The following LRRTM4 variants were observed in gnomAD, a reference collection of about 807,000 sequenced individuals.
LRRTM4 encodes leucine rich repeat transmembrane neuronal 4, also known as leucine-rich repeat transmembrane neuronal protein 4.
A neutral mutation model predicts 47.6 loss-of-function variants in LRRTM4; 25 were observed. The ratio of observed to expected loss-of-function variants is 0.53; its 90% CI spans 0.38 to 0.73. The LOEUF is 0.73. LRRTM4 is among the 30% of genes least tolerant of loss of function. LRRTM4 has a pLI of 0.00. For missense variants in LRRTM4, 638 were observed against 713.4 expected (o/e 0.89, Z 1.20); for synonymous variants, 311 against 269.5 (o/e 1.15, Z -1.51).
intron 3 of LRRTM4, among the ~76,000 whole-genome samples, chr2:77,067,353 A>G (rs1222519501): frequency 1.3e-5 from 2 of 152,148 alleles, no homozygotes; most frequent in Non-Finnish European, 2.9e-5. Context: ...ATTGCAAATT[A>G]GAGAAAAGTA....
chr2:77,465,973 TTC>T (rs1360879369), intron 3 of LRRTM4, among the ~76,000 whole-genome samples: 3 of 152,188 alleles, frequency 2.0e-5, no homozygotes, highest in African/African-American at 7.2e-5. Context: ...TCCTTTGCAC[TTC>T]TGTTTTGCTT....
At chr2:77,242,299 A>G (rs748268565) in intron 3 of LRRTM4, among the ~76,000 whole-genome samples, 2 of 152,206 alleles carry the variant, frequency 1.3e-5, no homozygotes, top group Non-Finnish European at 2.9e-5. Flanking sequence ...ACAGGTAATA[A>G]AAGCAAAAAT....
intron 3 of LRRTM4, among the ~76,000 whole-genome samples, chr2:77,366,810 C>A (rs1380912754): frequency 6.6e-6 from 1 of 151,818 alleles, no homozygotes; most frequent in Non-Finnish European, 1.5e-5. Context: ...ATTAATTAAT[C>A]TCTATCTTCA....
intron 3 of LRRTM4, among the ~76,000 whole-genome samples, chr2:76,982,701 A>C (rs960857380): frequency 6.6e-6 from 1 of 152,038 alleles, no homozygotes; most frequent in Non-Finnish European, 1.5e-5. Context: ...AAAGTCTGAA[A>C]GCCGAAGAGA....
chr2:77,117,676 TA>T (rs1558588747), intron 3 of LRRTM4, among the ~76,000 whole-genome samples: 1 of 152,010 alleles, frequency 6.6e-6, no homozygotes, highest in Non-Finnish European at 1.5e-5. Flanking sequence ...TCAGCTGATT[TA>T]ATTTTTTTAA....
chr2:77,339,805 G>A (rs1036661581), intron 3 of LRRTM4, among the ~76,000 whole-genome samples: 5 of 151,978 alleles, frequency 3.3e-5, no homozygotes, highest in Admixed American at 2.6e-4. Flanking sequence ...GGAAAAAGGG[G>A]CTCACTCTCC....
intron 3 of LRRTM4, among the ~76,000 whole-genome samples, chr2:76,988,057 C>T (rs570742551): frequency 2.6e-5 from 4 of 151,902 alleles, no homozygotes; most frequent in Admixed American, 2.6e-4. Flanking sequence ...CTCTTAGATA[C>T]TTTCTTTATA....
At chr2:76,901,533 T>A (rs1033166083) in intron 3 of LRRTM4, among the ~76,000 whole-genome samples, 1 of 152,062 alleles carries the variant, frequency 6.6e-6, no homozygotes, top group African/African-American at 2.4e-5. Flanking sequence ...CCCATTTTGC[T>A]GACCATGGAA....
intron 3 of LRRTM4, among the ~76,000 whole-genome samples, chr2:76,856,940 AT>A (rs1310378290): frequency 5.9e-5 from 9 of 152,096 alleles, no homozygotes; most frequent in Non-Finnish European, 1.2e-4. Context: ...GCAAAAAAAA[AT>A]AAAAGAAAAA....
At chr2:76,901,770 C>A (rs1279374893) in intron 3 of LRRTM4, among the ~76,000 whole-genome samples, 1 of 152,048 alleles carries the variant, frequency 6.6e-6, no homozygotes, top group East Asian at 1.9e-4. Context: ...TCCGAGGTCA[C>A]CAAAATTCAC....
chr2:77,072,318 G>C (rs1449549817), intron 3 of LRRTM4, among the ~76,000 whole-genome samples: 1 of 152,038 alleles, frequency 6.6e-6, no homozygotes, highest in Non-Finnish European at 1.5e-5. Flanking sequence ...ATATCTGCCT[G>C]ACTCATGTCA....
intron 3 of LRRTM4, among the ~76,000 whole-genome samples, chr2:77,370,987 G>T (rs1247111646): frequency 1.3e-5 from 2 of 151,672 alleles, no homozygotes; most frequent in Non-Finnish European, 2.9e-5. Context: ...AATACAATTA[G>T]TTGGTTGGGG....
chr2:76,804,467 G>T (rs1424030525), intron 3 of LRRTM4, among the ~76,000 whole-genome samples: 1 of 151,822 alleles, frequency 6.6e-6, no homozygotes, highest in East Asian at 1.9e-4. Context: ...GGATAAATAA[G>T]TTATGACACA....
intron 3 of LRRTM4, among the ~76,000 whole-genome samples, chr2:76,749,300 A>G (rs1672765321): frequency 6.6e-6 from 1 of 152,172 alleles, no homozygotes; most frequent in South Asian, 2.1e-4. Context: ...ATACGGCAAG[A>G]TATGGTACTA....
At chr2:76,772,086 C>A (rs929182962) in intron 3 of LRRTM4, among the ~76,000 whole-genome samples, 1 of 152,092 alleles carries the variant, frequency 6.6e-6, no homozygotes, top group Non-Finnish European at 1.5e-5. Context: ...ACACCCAATT[C>A]GATGGTATTA....
intron 3 of LRRTM4, among the ~76,000 whole-genome samples, chr2:77,040,250 C>A (rs1230145825): frequency 2.0e-5 from 3 of 150,844 alleles, no homozygotes; most frequent in Non-Finnish European, 3.0e-5. Context: ...TCCTTATGTT[C>A]TACAACATAT....
intron 3 of LRRTM4, among the ~76,000 whole-genome samples, chr2:77,107,117 C>T (rs1671113096): frequency 6.6e-6 from 1 of 151,922 alleles, no homozygotes; most frequent in Non-Finnish European, 1.5e-5. Flanking sequence ...ATATACGTGT[C>T]TATAATATTT....
intron 3 of LRRTM4, among the ~76,000 whole-genome samples, chr2:76,771,555 G>C (rs1284405427): frequency 6.6e-6 from 1 of 151,500 alleles, no homozygotes; most frequent in South Asian, 2.1e-4. Context: ...GCTGAGCACT[G>C]CCTTTGCTTC....
intron 3 of LRRTM4, among the ~76,000 whole-genome samples, chr2:77,012,970 G>A (rs184359226): frequency 6.6e-6 from 1 of 152,310 alleles, no homozygotes; most frequent in East Asian, 1.9e-4. Flanking sequence ...AAATACAGAT[G>A]TTCAAGAGGT....
Sources: gnomAD v4.1 joint callset for allele counts (sites outside exome capture counted in the v4.1 genomes callset) on GRCh38, gnomAD v4.1.1 for gene constraint, MANE v1.5 for transcripts, NCBI Gene and HGNC (gene_info 2026-07-23, HGNC 2026-07-21) for gene names.